MFSD6: variants seen among roughly 807,000 people sequenced by gnomAD.
MFSD6 encodes the protein major facilitator superfamily domain containing 6.
Under a neutral mutation model 56.3 loss-of-function variants are expected in MFSD6, and 26 were observed. The ratio of observed to expected loss-of-function variants is 0.46; its 90% CI spans 0.34 to 0.64. MFSD6 has a LOEUF of 0.64. Among genes scored for constraint, MFSD6 ranks in the 30% least tolerant of loss-of-function variants. The pLI, the probability that MFSD6 is intolerant of heterozygous loss-of-function variation, is 0.01. For missense variants in MFSD6, 750 were observed against 986.2 expected (o/e 0.76, Z 3.21); for synonymous variants, 331 against 366.9 (o/e 0.90, Z 1.12).
chr2:190,498,177 A>C lies in MFSD6; in HGVS notation c.2172+458A>C, dbSNP rs1689814676. ...GAATTATGGTTATGCAGGTGGCCTC[A>C]CCTGAAAAATAAGTCTAAAAGTGTG... On this transcript the variant is annotated intron_variant, in intron 7 of 7. Coordinates refer to ENST00000392328, the MANE Select transcript of MFSD6 (RefSeq NM_017694.4). This position sits in a 1 kb window ranked among gnomAD's most constrained non-coding sequence, Gnocchi z 5.9. 6.6e-6 allele frequency among the ~76,000 whole-genome samples: 1 copy of C among 152,184 alleles called. No individual in the cohort carries two copies. The highest frequency in any genetic ancestry group is 2.4e-5 in the African/African-American group (1 of 41,450).
At chr2:190,482,303 T>C (rs1217838616) in intron 4 of MFSD6, among the ~76,000 whole-genome samples, 1 of 152,192 alleles carries the variant, frequency 6.6e-6, no homozygotes, top group Non-Finnish European at 1.5e-5. Context: ...ATTTCCAATA[T>C]AGACTTTTTC....
rs553399888 is a variant in MFSD6 at position 190,490,834 on chromosome 2, G to A, written c.1891+968G>A. Reference sequence around the variant, plus strand: ...AGCATTAGCCTCAGGCCCCTGAAATGCTTCTGTGAAGAGAAAAACTTGCTT... The same window carrying A: ...AGCATTAGCCTCAGGCCCCTGAAATACTTCTGTGAAGAGAAAAACTTGCTT... On this transcript the variant is annotated intron_variant, in intron 6 of 7. Coordinates refer to ENST00000392328, the MANE Select transcript of MFSD6 (RefSeq NM_017694.4). This position sits in a 1 kb window ranked among gnomAD's most constrained non-coding sequence, Gnocchi z 4.5. Among the ~76,000 whole-genome samples, 3 of 152,306 alleles carry A rather than the reference G, an allele frequency of 2.0e-5. No homozygotes were observed. The highest frequency in any genetic ancestry group is 4.1e-4 in the South Asian group (2 of 4,824).
At chr2:190,445,265 G>C (rs1686532265) in intron 3 of MFSD6, among the ~76,000 whole-genome samples, 1 of 152,140 alleles carries the variant, frequency 6.6e-6, no homozygotes, top group Non-Finnish European at 1.5e-5. Context: ...GATGCAAGAA[G>C]CAGTCGGAGA....
Position 190,497,912 on chromosome 2 carries a change from T to C in MFSD6, c.2172+193T>C, listed in dbSNP as rs1348203474. On this transcript the variant is annotated intron_variant, in intron 7 of 7. Coordinates refer to ENST00000392328, the MANE Select transcript of MFSD6 (RefSeq NM_017694.4). This position sits in a 1 kb window ranked among gnomAD's most constrained non-coding sequence, Gnocchi z 5.2. ...TGTATACAAGGTCCCATAGAGAGAA[T>C]ATTCTGCCTTATGGAGTTCAGGAAA... 3.4e-6 allele frequency: 2 copies of C among 580,282 alleles called. No individual in the cohort carries two copies. Among genetic ancestry groups the C allele is most frequent in the Non-Finnish European group, 5.8e-6 (2 of 342,112 alleles). 35.9% of individuals were successfully genotyped at this position (580,282 alleles called of 1,614,324 possible). A position where few individuals can be genotyped will look rare whatever the true frequency, so the allele number is the denominator to read the frequency against.
chr2:190,452,758 C>T (rs1372538889), intron 3 of MFSD6, among the ~76,000 whole-genome samples: 1 of 152,094 alleles, frequency 6.6e-6, no homozygotes, highest in African/African-American at 2.4e-5. Flanking sequence ...GTAAAGTGCC[C>T]CCACGTCCCC....
At chr2:190,445,549 A>T (rs145301968) in intron 3 of MFSD6, among the ~76,000 whole-genome samples, 1 of 152,140 alleles carries the variant, frequency 6.6e-6, no homozygotes, top group Non-Finnish European at 1.5e-5. Context: ...CTCCTCAGAA[A>T]CACAAAACAT....
intron 3 of MFSD6, among the ~76,000 whole-genome samples, chr2:190,460,762 C>T (rs768336141): frequency 5.3e-5 from 8 of 152,164 alleles, no homozygotes; most frequent in Non-Finnish European, 1.2e-4. Context: ...GACACAGAGA[C>T]AGGTGGGGAT....
In MFSD6 at chr2:190,421,735, A is replaced by AAT. The variant is rs1553516771; in HGVS notation, c.-54+6322_-54+6323insAT. On this transcript the variant is annotated intron_variant, in intron 2 of 7. Coordinates refer to ENST00000392328, the MANE Select transcript of MFSD6 (RefSeq NM_017694.4). ...CATACCTGGCTAACTTAAAAAAAAA[A>AAT]TTTTTTTTAAAGATGGGATCTCACT... 9.5e-4 allele frequency among the ~76,000 whole-genome samples: 144 copies of AAT among 151,294 alleles called. 2 individuals are homozygous for AAT. Among genetic ancestry groups the AAT allele is most frequent in the African/African-American group, 3.1e-3 (126 of 40,984 alleles).
In MFSD6 at chr2:190,416,054, TG is replaced by T. The variant is rs1392016901; in HGVS notation, c.-54+645del. 6.6e-6 allele frequency among the ~76,000 whole-genome samples: 1 copy of T among 152,242 alleles called. No individual in the cohort carries two copies. Among genetic ancestry groups the T allele is most frequent in the Admixed American group, 6.5e-5 (1 of 15,284 alleles). ...TGAAAGGTAGAAGGAAATGAAGTTC[TG>T]GGGCCTGCTTCAAATTTATATTATA... On this transcript the variant is annotated intron_variant, in intron 2 of 7. Transcript: ENST00000392328. The surrounding 1 kb of genome is among the most constrained non-coding windows in gnomAD (Gnocchi z 4.1).
chr2:190,448,474 G>A (rs539703091), intron 3 of MFSD6, among the ~76,000 whole-genome samples: 1 of 152,180 alleles, frequency 6.6e-6, no homozygotes, highest in Non-Finnish European at 1.5e-5. Flanking sequence ...AAATGTTAAT[G>A]CAGGGGTTAA....
intron 3 of MFSD6, among the ~76,000 whole-genome samples, chr2:190,448,109 C>T (rs1422344363): frequency 1.3e-5 from 2 of 152,112 alleles, no homozygotes; most frequent in African/African-American, 4.8e-5. Context: ...GTGTACTGTA[C>T]CTTTTGTGAT....
In MFSD6 at chr2:190,459,241, G is replaced by A. The variant is rs1687197743; in HGVS notation, c.1533-10517G>A. Among the ~76,000 whole-genome samples the A allele has an allele frequency of 6.6e-6, 1 of 152,170 alleles. No homozygotes were observed. The highest frequency in any genetic ancestry group is 1.5e-5 in the Non-Finnish European group (1 of 68,032). Reference sequence around the variant, plus strand: ...TTCCTGCTGTGTCTCACCACAGTCAGGAACAGCAGGATTAGTATCTGCTTT... The same window carrying A: ...TTCCTGCTGTGTCTCACCACAGTCAAGAACAGCAGGATTAGTATCTGCTTT... On this transcript the variant is annotated intron_variant, in intron 3 of 7. Coordinates refer to ENST00000392328, the MANE Select transcript of MFSD6 (RefSeq NM_017694.4). This position sits in a 1 kb window ranked among gnomAD's most constrained non-coding sequence, Gnocchi z 5.3.
chr2:190,489,288 A>G lies in MFSD6; in HGVS notation c.1792+470A>G, dbSNP rs536603018. On this transcript the variant is annotated intron_variant, in intron 5 of 7. Transcript: ENST00000392328. This position sits in a 1 kb window ranked among gnomAD's most constrained non-coding sequence, Gnocchi z 6.6. Reference sequence around the variant, plus strand: ...TGTCTTGTCATATCTTCCTTATTAGAAACATAGGAGCTGAAATAGGAATGA... The same window carrying G: ...TGTCTTGTCATATCTTCCTTATTAGGAACATAGGAGCTGAAATAGGAATGA... Among the ~76,000 whole-genome samples the G allele has an allele frequency of 6.6e-5, 10 of 152,286 alleles. No individual in the cohort carries two copies. Among genetic ancestry groups the G allele is most frequent in the Admixed American group, 5.2e-4 (8 of 15,308 alleles).
Position 190,489,938 on chromosome 2 carries a change from G to A in MFSD6, c.1891+72G>A, listed in dbSNP as rs1341807201. 7.7e-7 allele frequency: 1 copy of A among 1,298,708 alleles called. No individual in the cohort carries two copies. The highest frequency in any genetic ancestry group is 1.5e-5 in the African/African-American group (1 of 68,030). The allele number at this position is 1,298,708 out of a possible 1,614,324, so 80.4% of individuals were successfully genotyped here. A position where few individuals can be genotyped will look rare whatever the true frequency, so the allele number is the denominator to read the frequency against. ...GGGAAGTCAACAAATGCCCCGAGAA[G>A]CCTAGAAGTGGTACAGAGTATACAA... On this transcript the variant is annotated intron_variant, in intron 6 of 7. Coordinates refer to ENST00000392328, the MANE Select transcript of MFSD6 (RefSeq NM_017694.4). The surrounding 1 kb of genome is among the most constrained non-coding windows in gnomAD (Gnocchi z 6.6).
intron 3 of MFSD6, among the ~76,000 whole-genome samples, chr2:190,468,046 A>C (rs1687698233): frequency 6.6e-6 from 1 of 152,232 alleles, no homozygotes. Context: ...AAAAGGAGGC[A>C]CAGGTTTGTT....
chr2:190,450,368 AATTCC>A (rs1441917101), intron 3 of MFSD6, among the ~76,000 whole-genome samples: 1 of 152,098 alleles, frequency 6.6e-6, no homozygotes, highest in Non-Finnish European at 1.5e-5. Flanking sequence ...AAGAAGTAAC[AATTCC>A]ATTCTTATTT....
chr2:190,460,045 C>G (rs971632543), intron 3 of MFSD6, among the ~76,000 whole-genome samples: 2 of 152,232 alleles, frequency 1.3e-5, no homozygotes, highest in Admixed American at 1.3e-4. Flanking sequence ...GGGACTACCA[C>G]TGACTCTGAG....
intron 3 of MFSD6, among the ~76,000 whole-genome samples, chr2:190,452,793 A>G (rs1686830146): frequency 6.6e-6 from 1 of 152,210 alleles, no homozygotes; most frequent in South Asian, 2.1e-4. Context: ...ATCCTGAGTG[A>G]AACTCTTATT....
In MFSD6 at chr2:190,438,779, G is replaced by A. The variant is rs188426551; in HGVS notation, c.1532+1218G>A. 7.9e-5 allele frequency among the ~76,000 whole-genome samples: 12 copies of A among 152,348 alleles called. No individual in the cohort carries two copies. Among genetic ancestry groups the A allele is most frequent in the Admixed American group, 7.8e-4 (12 of 15,302 alleles). On this transcript the variant is annotated intron_variant, in intron 3 of 7. Coordinates refer to ENST00000392328, the MANE Select transcript of MFSD6 (RefSeq NM_017694.4). This position sits in a 1 kb window ranked among gnomAD's most constrained non-coding sequence, Gnocchi z 5.2. The stretch of plus-strand genomic sequence containing the variant: ...TATAAGAAATTAAAGAGGAGAAATA[G>A]ACAATGACAAGATTTGACAATCCTT...
Sources: gnomAD v4.1 joint callset for allele counts (sites outside exome capture counted in the v4.1 genomes callset) on GRCh38, gnomAD v4.1.1 for gene constraint, Gnocchi (gnomAD v3.1) non-coding constraint, MANE v1.5 for transcripts, NCBI Gene and HGNC (gene_info 2026-07-23, HGNC 2026-07-21) for gene names.